Variants in KCNV2 observed in about 807,000 individuals in gnomAD.
KCNV2 encodes potassium voltage-gated channel subfamily V member 2.
Under a neutral mutation model 37.0 loss-of-function variants are expected in KCNV2, and 65 were observed. The observed-to-expected ratio is 1.76, with a 90% confidence interval of 1.44 to 2.16. KCNV2 has a LOEUF of 2.16. KCNV2 is among the 30% of genes most tolerant of loss of function. KCNV2 has a pLI of 0.00. For missense variants in KCNV2, 1,232 were observed against 766.7 expected (o/e 1.61, Z -7.17); for synonymous variants, 518 against 328.6 (o/e 1.58, Z -6.23).
chr9:2,726,759 A>G (rs1190704617), intron 1 of KCNV2, among the ~76,000 whole-genome samples: 1 of 152,146 alleles, frequency 6.6e-6, no homozygotes, highest in Non-Finnish European at 1.5e-5. Context: ...CCGGCCACAC[A>G]GCAGGAGATG....
chr9:2,725,399 G>T (rs10967745), intron 1 of KCNV2, among the ~76,000 whole-genome samples: 8,171 of 152,206 alleles, frequency 0.054, 758 homozygotes, highest in African/African-American at 0.19. Flanking sequence ...CTTGTTTCTA[G>T]GTTGTTAAAT....
At chr9:2,727,359 A>T (rs1161207034) in intron 1 of KCNV2, among the ~76,000 whole-genome samples, 1 of 152,146 alleles carries the variant, frequency 6.6e-6, no homozygotes, top group African/African-American at 2.4e-5. Context: ...GGTGCAGCAC[A>T]CCAACATGGC....
In KCNV2 at chr9:2,718,579, C is replaced by T. The variant is rs1168246573; in HGVS notation, c.840C>T (p.Asn280=). Residue 280 remains asparagine, a synonymous_variant, in exon 1 of 2, where the codon AAC becomes AAT. Coordinates refer to ENST00000382082, the MANE Select transcript of KCNV2 (RefSeq NM_133497.4). ...VLVSVVALAL[N]TVEEMQQHSG... is the part of the protein sequence containing the mutation. ...TCTCCGTGGTGGCGCTGGCGCTCAA[C>T]ACCGTGGAGGAGATGCAGCAGCACT... The T allele has an allele frequency of 6.2e-7, 1 of 1,612,896 alleles. No homozygotes were observed. The highest frequency in any genetic ancestry group is 1.1e-5 in the South Asian group (1 of 91,044).
chr9:2,721,528 G>T (rs1349878035), intron 1 of KCNV2, among the ~76,000 whole-genome samples: 1 of 152,116 alleles, frequency 6.6e-6, no homozygotes, highest in Non-Finnish European at 1.5e-5. Context: ...AAAGTGAAAA[G>T]AAACAAAACA....
intron 1 of KCNV2, among the ~76,000 whole-genome samples, chr9:2,722,112 T>C (rs1819882261): frequency 7.1e-6 from 1 of 139,884 alleles, no homozygotes; most frequent in Non-Finnish European, 1.5e-5. Flanking sequence ...AGAAGTTATT[T>C]ATAAATAAAT....
chr9:2,726,144 T>C lies in KCNV2; in HGVS notation c.1357-3302T>C, dbSNP rs189958558. Among the ~76,000 whole-genome samples the C allele has an allele frequency of 1.7e-3, 260 of 152,294 alleles. 2 individuals carry two copies. The highest frequency in any genetic ancestry group is 7.5e-4 in the Non-Finnish European group (51 of 68,024). Reference sequence around the variant, plus strand: ...GGTCACTTGGGTCAGTCTGGGGCCTTCAGCTTTTAATTCCCATCTAGGGAG... The same window carrying C: ...GGTCACTTGGGTCAGTCTGGGGCCTCCAGCTTTTAATTCCCATCTAGGGAG... On this transcript the variant is annotated intron_variant, in intron 1 of 1. Coordinates refer to ENST00000382082, the MANE Select transcript of KCNV2 (RefSeq NM_133497.4).
chr9:2,726,977 C>T (rs911165384), intron 1 of KCNV2, among the ~76,000 whole-genome samples: 3 of 152,114 alleles, frequency 2.0e-5, no homozygotes, highest in African/African-American at 7.2e-5. Flanking sequence ...CAACCCCGTC[C>T]ATGGGAAAAA....
At chr9:2,726,660 A>G (rs760662474) in intron 1 of KCNV2, among the ~76,000 whole-genome samples, 2 of 152,106 alleles carry the variant, frequency 1.3e-5, no homozygotes, top group South Asian at 4.1e-4. Flanking sequence ...AGGCCTCTGC[A>G]TTGGACTTCC....
At chr9:2,724,327 T>C (rs1478779408) in intron 1 of KCNV2, among the ~76,000 whole-genome samples, 3 of 152,240 alleles carry the variant, frequency 2.0e-5, no homozygotes, top group Non-Finnish European at 4.4e-5. Context: ...TTTTTGTTCA[T>C]TGATTGCTTT....
rs200148749 is a variant in KCNV2, at chr9:2,718,364, G to A, written c.625G>A (p.Glu209Lys). The change falls in exon 1 of 2, where the codon GAG becomes AAG. Residue 209 changes from glutamate to lysine, a missense_variant. Coordinates refer to ENST00000382082, the MANE Select transcript of KCNV2 (RefSeq NM_133497.4). ...CRICFEERRDELSERLKIQHE... is the reference protein window; with the variant it reads ...CRICFEERRDKLSERLKIQHE... ...CATCTGCTTCGAGGAGCGGCGCGAC[G>A]AGCTGAGCGAACGGCTCAAGATCCA... The A allele has an allele frequency of 1.7e-4, 268 of 1,599,156 alleles. No homozygotes were observed. The highest frequency in any genetic ancestry group is 2.2e-4 in the Non-Finnish European group (257 of 1,174,592).
chr9:2,717,998 G>A lies in KCNV2; in HGVS notation c.259G>A (p.Glu87Lys), dbSNP rs2130860316. The A allele has an allele frequency of 3.1e-6, 5 of 1,614,010 alleles. No individual in the cohort carries two copies. The highest frequency in any genetic ancestry group is 2.2e-5 in the East Asian group (1 of 44,838). ...AGGGGAGGTCACCACCGCCAAGCCC[G>A]AGGGCCCCAGCGACCCTCCGGCCCT... ...QAGEVTTAKP[E>K]GPSDPPALLS... is the part of the protein sequence containing the mutation. The change falls in exon 1 of 2, where the codon GAG becomes AAG. Residue 87 changes from glutamate to lysine, a missense_variant. Transcript: ENST00000382082.
Position 2,719,064 on chromosome 9 carries a change from C to T in KCNV2, c.1325C>T (p.Thr442Ile), listed in dbSNP as rs757550503. 2 of 1,611,932 alleles carry T rather than the reference C, an allele frequency of 1.2e-6. No individual in the cohort carries two copies. Among genetic ancestry groups the T allele is most frequent in the Non-Finnish European group, 1.7e-6 (2 of 1,180,036 alleles). The stretch of plus-strand genomic sequence containing the variant: ...CACGATGTGCCCAGCACCAACTTCA[C>T]TACCATCCCCCACTCCTGGTGGTGG... ...VEHDVPSTNFTTIPHSWWWAA... is the reference protein window; with the variant it reads ...VEHDVPSTNFITIPHSWWWAA... The change falls in exon 1 of 2, where the codon ACT becomes ATT. Residue 442 changes from threonine to isoleucine, a missense_variant. By Grantham distance (89) the Thr-to-Ile change is moderately conservative. Coordinates refer to ENST00000382082, the MANE Select transcript of KCNV2 (RefSeq NM_133497.4).
chr9:2,729,213 C>T (rs1373874294), intron 1 of KCNV2, among the ~76,000 whole-genome samples: 5 of 152,152 alleles, frequency 3.3e-5, no homozygotes, highest in Non-Finnish European at 5.9e-5. Flanking sequence ...ATGCATGAGT[C>T]GTAGTCAGGA....
intron 1 of KCNV2, among the ~76,000 whole-genome samples, chr9:2,728,859 G>C (rs950538774): frequency 1.4e-5 from 2 of 147,930 alleles, no homozygotes; most frequent in Non-Finnish European, 3.0e-5. Context: ...CTAAGAGTTA[G>C]ATGGTTTTCT....
chr9:2,722,792 A>T (rs1563798222), intron 1 of KCNV2, among the ~76,000 whole-genome samples: 1 of 152,056 alleles, frequency 6.6e-6, no homozygotes, highest in Non-Finnish European at 1.5e-5. Context: ...GGCTCTTGTT[A>T]CTCATTCACA....
rs745375996 is a variant in KCNV2, at chr9:2,718,947, C to T, written c.1208C>T (p.Thr403Met). The T allele has an allele frequency of 1.4e-5, 22 of 1,609,874 alleles. No homozygotes were observed. Among genetic ancestry groups the T allele is most frequent in the South Asian group, 5.5e-5 (5 of 91,092 alleles). The change falls in exon 1 of 2, where the codon ACG becomes ATG. Residue 403 changes from threonine to methionine, a missense_variant. Thr to Met is a moderately conservative substitution (Grantham distance 81, BLOSUM62 -1). Coordinates refer to ENST00000382082, the MANE Select transcript of KCNV2 (RefSeq NM_133497.4). ...HSTGLRAFGF[T>M]LRQCYQQVGC... ...ACCGGACTGCGTGCCTTCGGCTTCA[C>T]GCTGCGCCAGTGCTACCAGCAGGTG...
intron 1 of KCNV2, among the ~76,000 whole-genome samples, chr9:2,723,399 A>G (rs895923565): frequency 4.6e-5 from 7 of 152,266 alleles, no homozygotes; most frequent in African/African-American, 1.4e-4. Context: ...CTTTCTCTGT[A>G]ATTCAACTCA....
At position 2,724,550 on chromosome 9, in the gene KCNV2, GAATA is replaced by G. The variant is rs573646708; in HGVS notation, c.1357-4892_1357-4889del. ...GTAGCTATTGGCCCTAGAATTGGGA[GAATA>G]AATGGGAAAAGGTGTTGCCACCAGA... is the stretch of plus-strand genomic sequence containing the variant. On this transcript the variant is annotated intron_variant, in intron 1 of 1. Transcript: ENST00000382082. 7.2e-5 allele frequency among the ~76,000 whole-genome samples: 11 copies of G among 152,340 alleles called. No homozygotes were observed. The South Asian group carries it at 2.3e-3, about 32-fold the overall frequency.
rs752390776 is a variant in KCNV2 at position 2,718,737 on chromosome 9, G to A, written c.998G>A (p.Ser333Asn). The A allele has an allele frequency of 1.9e-6, 3 of 1,612,306 alleles. No individual in the cohort carries two copies. The highest frequency in any genetic ancestry group is 2.5e-6 in the Non-Finnish European group (3 of 1,179,854). Residue 333 changes from serine (S) to asparagine (N), a missense_variant, in exon 1 of 2, where the codon AGC (serine) becomes AAC (asparagine). Coordinates refer to ENST00000382082, the MANE Select transcript of KCNV2 (RefSeq NM_133497.4). ...CCCGACCTGAGGCGCTTCGCGCGCA[G>A]CGCCCTCAACCTGGTGGACCTGGTG... ...STPDLRRFAR[S>N]ALNLVDLVAI... is the part of the protein sequence containing the mutation.
Sources: allele counts gnomAD v4.1 joint callset (sites outside exome capture counted in the v4.1 genomes callset), GRCh38; gene constraint gnomAD v4.1.1; transcripts MANE v1.5; gene names NCBI Gene and HGNC (gene_info 2026-07-23, HGNC 2026-07-21).